Variants in TRAK1 observed in about 807,000 individuals in gnomAD.
TRAK1 encodes the protein trafficking kinesin-binding protein 1.
Under a neutral mutation model 92.1 loss-of-function variants are expected in TRAK1, and 33 were observed. The ratio of observed to expected loss-of-function variants is 0.36; its 90% CI spans 0.27 to 0.48. TRAK1 has a LOEUF of 0.48. Ranked by LOEUF, TRAK1 falls within the 20% of genes least tolerant of loss-of-function variation. TRAK1 has a pLI of 0.99. For missense variants in TRAK1, 1,123 were observed against 1,257.9 expected, an observed-to-expected ratio of 0.89 and a Z score of 1.62; for synonymous variants, 521 against 517.3, an observed-to-expected ratio of 1.01 and a Z score of -0.10.
At chr3:42,162,661 C>G (rs1322453428) in intron 2 of TRAK1, among the ~76,000 whole-genome samples, 2 of 152,282 alleles carry the variant, frequency 1.3e-5, no homozygotes, top group African/African-American at 4.8e-5. Flanking sequence ...GTTTAGGTAT[C>G]TTAGGGGTCT....
chr3:42,165,820 A>G (rs1268846926), intron 2 of TRAK1, among the ~76,000 whole-genome samples: 2 of 151,910 alleles, frequency 1.3e-5, no homozygotes, highest in Non-Finnish European at 2.9e-5. Context: ...GGTCCTCAGT[A>G]TCCATGGCTA....
chr3:42,203,766 C>T, intron 13 of TRAK1: 4 of 103,858 alleles, frequency 3.9e-5, no homozygotes, highest in Non-Finnish European at 3.4e-5. Context: ...TTCCTAATCA[C>T]CCCCCAAAGA....
At chr3:42,057,431 T>G (rs1031642101) in intron 1 of TRAK1, among the ~76,000 whole-genome samples, 1 of 152,160 alleles carries the variant, frequency 6.6e-6, no homozygotes, top group Admixed American at 6.6e-5. Flanking sequence ...TCTTTCCTAA[T>G]AGAATCCAGA....
intron 1 of TRAK1, among the ~76,000 whole-genome samples, chr3:42,074,308 T>G (rs1329204504): frequency 1.3e-5 from 2 of 152,222 alleles, no homozygotes; most frequent in Non-Finnish European, 2.9e-5. Flanking sequence ...CTGGCCTGTT[T>G]TACAATTACA....
chr3:42,030,071 A>C (rs1368078735), intron 1 of TRAK1, among the ~76,000 whole-genome samples: 2 of 146,830 alleles, frequency 1.4e-5, no homozygotes, highest in Non-Finnish European at 3.0e-5. Flanking sequence ...TGATGCCGAG[A>C]TCTCACAGAC....
chr3:42,160,413 C>T, intron 2 of TRAK1: 1 of 1,614,200 alleles, frequency 6.2e-7, no homozygotes. Flanking sequence ...ATACGACTGC[C>T]AGGATGAAGA....
At chr3:42,183,371 C>T (rs888423981) in intron 3 of TRAK1, among the ~76,000 whole-genome samples, 6 of 151,794 alleles carry the variant, frequency 4.0e-5, no homozygotes, top group South Asian at 2.1e-4. Context: ...GTCTGGCCAA[C>T]GTGGTGAAAC....
chr3:42,157,258 A>G (rs1700641591), intron 2 of TRAK1, among the ~76,000 whole-genome samples: 2 of 151,830 alleles, frequency 1.3e-5, no homozygotes, highest in Middle Eastern at 3.4e-3. Context: ...CAGGAGTTTG[A>G]GACCAGCCTG....
At chr3:42,143,046 G>A (rs1698870075) in intron 2 of TRAK1, among the ~76,000 whole-genome samples, 1 of 152,178 alleles carries the variant, frequency 6.6e-6, no homozygotes, top group East Asian at 1.9e-4. Flanking sequence ...CCCTGTTAAG[G>A]TCTAACCTAA....
Position 42,134,586 on chromosome 3 carries a change from T to C in TRAK1, c.286+8972T>C, listed in dbSNP as rs1302549252. Among the ~76,000 whole-genome samples the C allele has an allele frequency of 4.1e-5, 5 of 122,310 alleles. No individual in the cohort carries two copies. The East Asian group carries it at 7.1e-4, about 17-fold the overall frequency. 80.2% of individuals were successfully genotyped at this position (122,310 alleles called of 152,430 possible). On this transcript the variant is annotated intron_variant, in intron 2 of 15. Transcript: ENST00000327628. The stretch of plus-strand genomic sequence containing the variant: ...GCCACCATGCCTGGTCTCTTTTTTT[T>C]TTTTTTTTTTTTTTTTTTGAGACAG...
At chr3:42,175,613 A>G (rs1416841006) in intron 2 of TRAK1, among the ~76,000 whole-genome samples, 1 of 152,208 alleles carries the variant, frequency 6.6e-6, no homozygotes, top group South Asian at 2.1e-4. Flanking sequence ...TCCCTAAGTT[A>G]GAAAATCATT....
upstream of TRAK1, among the ~76,000 whole-genome samples, chr3:42,086,588 A>T (rs1280647142): frequency 6.6e-6 from 1 of 152,042 alleles, no homozygotes; most frequent in Non-Finnish European, 1.5e-5. Flanking sequence ...AGGTGCTGGG[A>T]TTACAGGAGT....
chr3:42,089,229 A>G (rs7627353), upstream of TRAK1, among the ~76,000 whole-genome samples: 3,123 of 152,238 alleles, frequency 0.021, 122 homozygotes, highest in African/African-American at 0.072. Context: ...TTTGTCAAGA[A>G]TTCTGTTGGC....
chr3:42,202,280 T>C lies in TRAK1; in HGVS notation c.1428-156T>C, dbSNP rs1004294251. On this transcript the variant is annotated intron_variant, in intron 12 of 15. Transcript: ENST00000327628. This position sits in a 1 kb window ranked among gnomAD's most constrained non-coding sequence, Gnocchi z 6.1. ...GGGAGTGGTTCTGGACACGAATTTA[T>C]TTCCCCCTGTTGCCTAAATGTCAAC... 6.6e-6 allele frequency among the ~76,000 whole-genome samples: 1 copy of C among 152,064 alleles called. No homozygotes were observed. Among genetic ancestry groups the C allele is most frequent in the African/African-American group, 2.4e-5 (1 of 41,348 alleles).
chr3:42,036,615 A>G (rs1189521327), intron 1 of TRAK1, among the ~76,000 whole-genome samples: 1 of 152,244 alleles, frequency 6.6e-6, no homozygotes, highest in African/African-American at 2.4e-5. Flanking sequence ...GGGTCATGAG[A>G]TAGCCGTGAC....
chr3:42,023,599 A>C (rs1460137208), intron 1 of TRAK1, among the ~76,000 whole-genome samples: 1 of 152,012 alleles, frequency 6.6e-6, no homozygotes, highest in Non-Finnish European at 1.5e-5. Flanking sequence ...TTTGTTGTTG[A>C]AGAGATAGTG....
At chr3:42,118,711 A>T (rs547301416) in intron 1 of TRAK1, among the ~76,000 whole-genome samples, 1 of 152,338 alleles carries the variant, frequency 6.6e-6, no homozygotes, top group South Asian at 2.1e-4. Flanking sequence ...CATCCTGGGT[A>T]GGAGGGTCCA....
Position 42,209,887 on chromosome 3 carries a change from T to C in TRAK1, c.1865T>C (p.Val622Ala). ...FRTLDVDLDE[V>A]YCLNDFEEDD... ...ACGCTGGATGTTGACCTGGACGAAG[T>C]GTACTGCCTTAACGACTTTGAAGAA... The change falls in exon 14 of 16, where the codon GTG becomes GCG. Residue 622 changes from valine (V) to alanine (A), a missense_variant. Physicochemically the swap from Val to Ala is moderately conservative, Grantham distance 64. Coordinates refer to ENST00000327628, the MANE Select transcript of TRAK1 (RefSeq NM_001042646.3). The C allele has an allele frequency of 6.2e-7, 1 of 1,614,152 alleles. No individual in the cohort carries two copies. Among genetic ancestry groups the C allele is most frequent in the Non-Finnish European group, 8.5e-7 (1 of 1,180,030 alleles).
intron 6 of TRAK1, 46 bp downstream of exon 6, chr3:42,189,170 C>T (rs1219208644): frequency 1.4e-6 from 2 of 1,444,782 alleles, no homozygotes; most frequent in East Asian, 2.3e-5. Context: ...GGGTGGTGGC[C>T]CCATTCGCCT....
Sources: allele counts gnomAD v4.1 joint callset (sites outside exome capture counted in the v4.1 genomes callset), GRCh38; gene constraint gnomAD v4.1.1; non-coding constraint Gnocchi (gnomAD v3.1); transcripts MANE v1.5; gene names NCBI Gene and HGNC (gene_info 2026-07-23, HGNC 2026-07-21).